Variants in KCNC1 observed in about 807,000 individuals in gnomAD.
KCNC1 encodes voltage-gated potassium channel KCNC1.
Under a neutral mutation model 43.4 loss-of-function variants are expected in KCNC1, and 8 were observed. The observed-to-expected ratio is 0.18, with a 90% CI of 0.11 to 0.33. The LOEUF (loss-of-function observed/expected upper bound fraction) is 0.33, where lower values mean the gene tolerates loss of function less well. Ranked by LOEUF, KCNC1 falls within the 10% of genes least tolerant of loss-of-function variation. The pLI, the probability that KCNC1 is intolerant of heterozygous loss-of-function variation, is 1.00. For synonymous variants in KCNC1, 361 were observed against 360.5 expected, an observed-to-expected ratio of 1.00 and a Z score of -0.01; for missense variants, 420 against 836.0, an observed-to-expected ratio of 0.50 and a Z score of 6.14.
intron 1 of KCNC1, among the ~76,000 whole-genome samples, chr11:17,748,131 T>A (rs1284360745): frequency 1.3e-5 from 2 of 152,190 alleles, no homozygotes; most frequent in Non-Finnish European, 2.9e-5. Context: ...CTGGGCAAGA[T>A]ATGACAGAGG....
intron 1 of KCNC1, among the ~76,000 whole-genome samples, chr11:17,737,285 G>A (rs776858685): frequency 3.0e-4 from 46 of 152,202 alleles, no homozygotes; most frequent in South Asian, 2.1e-4. Flanking sequence ...TGTCGAAAGC[G>A]GAGGGTGTTG....
intron 1 of KCNC1, among the ~76,000 whole-genome samples, chr11:17,754,461 C>T (rs1488606227): frequency 6.6e-6 from 1 of 152,196 alleles, no homozygotes; most frequent in African/African-American, 2.4e-5. Context: ...TCAGTGACTG[C>T]CCATATTGAC....
intron 2 of KCNC1, chr11:17,774,022 A>G (rs1174902181): frequency 4.1e-6 from 4 of 985,094 alleles, no homozygotes; most frequent in South Asian, 4.7e-5. Context: ...CCCCATCCCA[A>G]TCCTCTTCTG....
Position 17,738,713 on chromosome 11 carries a change from G to A in KCNC1, c.570+2141G>A, listed in dbSNP as rs543266839. ...GTGTGGTTTGAGGTTCTATTGGTGT[G>A]CAAAACCGTACAGAAAAGTCTTGAA... On this transcript the variant is annotated intron_variant, in intron 1 of 3. Transcript: ENST00000265969. Among the ~76,000 whole-genome samples the A allele has an allele frequency of 9.8e-5, 15 of 152,308 alleles. No homozygotes were observed. The South Asian group carries it at 3.1e-3, about 32-fold the overall frequency.
Position 17,772,528 on chromosome 11 carries a change from T to C in KCNC1, c.1434T>C (p.Ser478=). 1 of 1,614,168 alleles carries C rather than the reference T, an allele frequency of 6.2e-7. No individual in the cohort carries two copies. The highest frequency in any genetic ancestry group is 8.5e-7 in the Non-Finnish European group (1 of 1,180,024). The change falls in exon 2 of 4, where the codon TCT becomes TCC. Residue 478 remains serine (S), a synonymous_variant. Coordinates refer to ENST00000265969, the MANE Select transcript of KCNC1 (RefSeq NM_001112741.2). ...SPNYCKSVVN[S]PHHSTQSDTC... is the part of the protein sequence containing the mutation. ...ATTATTGTAAATCTGTCGTAAACTC[T>C]CCACACCACAGTACTCAGAGTGACA...
rs185502757 is a variant in KCNC1 at position 17,757,315 on chromosome 11, A to C, written c.571-14350A>C. Among the ~76,000 whole-genome samples the C allele has an allele frequency of 2.3e-3, 356 of 152,332 alleles. 2 individuals carry two copies. Among genetic ancestry groups the C allele is most frequent in the African/African-American group, 8.3e-3 (347 of 41,562 alleles). The stretch of plus-strand genomic sequence containing the variant: ...GGAAGCCCGAGGAAGCCTGGCCTGC[A>C]GGAGGGATGTCTCAGGGGCATGTCC... On this transcript the variant is annotated intron_variant, in intron 1 of 3. Transcript: ENST00000265969.
intron 1 of KCNC1, among the ~76,000 whole-genome samples, chr11:17,752,289 T>A (rs1848977473): frequency 6.6e-6 from 1 of 152,148 alleles, no homozygotes; most frequent in Admixed American, 6.5e-5. Flanking sequence ...TGATCTAGCA[T>A]TCCCCAGCAC....
intron 1 of KCNC1, among the ~76,000 whole-genome samples, chr11:17,748,965 A>T (rs762397037): frequency 9.9e-5 from 15 of 152,106 alleles, no homozygotes; most frequent in Non-Finnish European, 2.2e-4. Context: ...AGGGAGACAG[A>T]GGGTCGGGGG....
intron 1 of KCNC1, among the ~76,000 whole-genome samples, chr11:17,741,134 A>G (rs972494340): frequency 6.6e-6 from 1 of 151,992 alleles, no homozygotes; most frequent in Non-Finnish European, 1.5e-5. Flanking sequence ...AGCCACCCCA[A>G]GGGCCTTCCA....
intron 1 of KCNC1, among the ~76,000 whole-genome samples, chr11:17,744,864 C>T (rs780134377): frequency 2.6e-5 from 4 of 152,060 alleles, no homozygotes; most frequent in Admixed American, 2.0e-4. Flanking sequence ...AGTTCATACT[C>T]CTGGGAAACT....
intron 2 of KCNC1, chr11:17,774,890 C>T (rs1849268131): frequency 1.0e-6 from 1 of 985,354 alleles, no homozygotes; most frequent in South Asian, 4.7e-5. Flanking sequence ...CAGCCTCATC[C>T]CTCACCAGAA....
In KCNC1 at chr11:17,772,579, T is replaced by A; in HGVS notation, c.1485T>A (p.Ile495=). ...SDTCPLAQEE[I]LEINRADSKL... is the part of the protein sequence containing the mutation. ...CATGTCCGCTGGCCCAGGAAGAAAT[T>A]TTAGAAATTAACAGAGCAGGTAGGA... Residue 495 remains isoleucine, a synonymous_variant, in exon 2 of 4, where the codon ATT becomes ATA. Coordinates refer to ENST00000265969, the MANE Select transcript of KCNC1 (RefSeq NM_001112741.2). 6.2e-7 allele frequency: 1 copy of A among 1,612,862 alleles called. No individual in the cohort carries two copies. The highest frequency in any genetic ancestry group is 8.5e-7 in the Non-Finnish European group (1 of 1,179,212).
At chr11:17,740,326 G>A (rs1398351599) in intron 1 of KCNC1, among the ~76,000 whole-genome samples, 1 of 152,184 alleles carries the variant, frequency 6.6e-6, no homozygotes, top group African/African-American at 2.4e-5. Context: ...TGGTGGTACT[G>A]TTTGGAGAGG....
At chr11:17,766,351 CAT>C (rs1475145922) in intron 1 of KCNC1, among the ~76,000 whole-genome samples, 1 of 152,148 alleles carries the variant, frequency 6.6e-6, no homozygotes, top group Non-Finnish European at 1.5e-5. Flanking sequence ...ATGGATGAGA[CAT>C]GTGCTCTGCG....
Position 17,773,991 on chromosome 11 carries a change from A to G in KCNC1, c.1504+1393A>G, listed in dbSNP as rs1849258960. 3.0e-6 allele frequency: 3 copies of G among 985,482 alleles called. No individual in the cohort carries two copies. Among genetic ancestry groups the G allele is most frequent in the Non-Finnish European group, 3.6e-6 (3 of 829,982 alleles). 61.0% of individuals were successfully genotyped at this position (985,482 alleles called of 1,614,324 possible). ...TGGATGATTGATTTTCTTCCCTGCT[A>G]TCGCGCTCTCTGACCCACCACCCCA... On this transcript the variant is annotated intron_variant, in intron 2 of 3. Transcript: ENST00000265969. The surrounding 1 kb of genome is among the most constrained non-coding windows in gnomAD (Gnocchi z 4.1).
rs896080685 is a variant in KCNC1, at chr11:17,773,748, C to T, written c.1504+1150C>T. ...TCTACCTCTACCCATGGAATACCAT[C>T]GACTTATTCTGTGGACACAGGGATT... On this transcript the variant is annotated intron_variant, in intron 2 of 3. Transcript: ENST00000265969. The surrounding 1 kb of genome is among the most constrained non-coding windows in gnomAD (Gnocchi z 4.1). The T allele has an allele frequency of 4.8e-5, 47 of 985,328 alleles. No individual in the cohort carries two copies. The highest frequency in any genetic ancestry group is 1.0e-3 in the Middle Eastern group (2 of 1,936). 61.0% of individuals were successfully genotyped at this position (985,328 alleles called of 1,614,324 possible). A position where few individuals can be genotyped will look rare whatever the true frequency, so the allele number is the denominator to read the frequency against.
intron 1 of KCNC1, among the ~76,000 whole-genome samples, chr11:17,761,657 T>A (rs1023086171): frequency 1.3e-5 from 2 of 152,226 alleles, no homozygotes; most frequent in African/African-American, 4.8e-5. Flanking sequence ...CCTTCCACCA[T>A]GTGGCCTACT....
At chr11:17,775,249 G>A (rs1364827563) in intron 2 of KCNC1, 28 of 985,466 alleles carry the variant, frequency 2.8e-5, no homozygotes, top group Non-Finnish European at 3.3e-5. Context: ...CAGAGTTAGG[G>A]GCTGTGTGTG....
At chr11:17,774,006 C>T (rs1565163383) in intron 2 of KCNC1, 2 of 985,476 alleles carry the variant, frequency 2.0e-6, no homozygotes, top group Non-Finnish European at 2.4e-6. Context: ...GCTCTCTGAC[C>T]CACCACCCCA....
Sources: allele counts gnomAD v4.1 joint callset (sites outside exome capture counted in the v4.1 genomes callset), GRCh38; gene constraint gnomAD v4.1.1; non-coding constraint Gnocchi (gnomAD v3.1); transcripts MANE v1.5; gene names NCBI Gene and HGNC (gene_info 2026-07-23, HGNC 2026-07-21).